The following NBEAL1 variants were observed in gnomAD, a reference collection of about 807,000 sequenced individuals.
The protein encoded by NBEAL1 is neurobeachin like 1, also known as neurobeachin-like protein 1.
NBEAL1 carries 273 observed loss-of-function variants against 351.3 expected under a neutral mutation model. The observed-to-expected ratio is 0.78, with a 90% CI of 0.70 to 0.86. NBEAL1 has a LOEUF of 0.86. Among genes scored for constraint, NBEAL1 ranks in the 40% least tolerant of loss-of-function variants. NBEAL1 has a pLI of 0.00. For synonymous variants in NBEAL1, 1,050 were observed against 1,086.4 expected (o/e 0.97, Z 0.66); for missense variants, 2,961 against 3,201.3 (o/e 0.92, Z 1.81).
rs2065970172 is a variant in NBEAL1, at chr2:203,223,357, GTAA to G, written c.*6007_*6009del. The stretch of plus-strand genomic sequence containing the variant: ...ATATTTTGCAAATATAACAATAATA[GTAA>G]TAACACAATTTTGTCATTTAAAAAA... On this transcript the variant is annotated 3_prime_UTR_variant, in exon 56 of 56. Coordinates refer to ENST00000683969, the MANE Select transcript of NBEAL1 (RefSeq NM_001378026.1). Among the ~76,000 whole-genome samples, 1 of 151,972 alleles carries G rather than the reference GTAA, an allele frequency of 6.6e-6. No homozygotes were observed. The highest frequency in any genetic ancestry group is 1.5e-5 in the Non-Finnish European group (1 of 67,950).
intron 47 of NBEAL1, among the ~76,000 whole-genome samples, chr2:203,195,779 T>G (rs1282377125): frequency 6.6e-6 from 1 of 152,124 alleles, no homozygotes; most frequent in Admixed American, 6.6e-5. Flanking sequence ...TCAGAGAAGC[T>G]CATTAGAGAC....
intron 8 of NBEAL1, among the ~76,000 whole-genome samples, chr2:203,082,012 G>A (rs538942572): frequency 2.6e-5 from 4 of 152,200 alleles, no homozygotes; most frequent in African/African-American, 9.7e-5. Context: ...GCCAAAGCCT[G>A]AATAGTTGAG....
chr2:203,166,464 T>C (rs1258934890), intron 37 of NBEAL1, among the ~76,000 whole-genome samples, 167 bp downstream of exon 37: 1 of 152,220 alleles, frequency 6.6e-6, no homozygotes, highest in Admixed American at 6.5e-5. Flanking sequence ...TGGAAGGGAA[T>C]GCTTTTTAAA....
chr2:203,066,968 C>G (rs1430862595), intron 6 of NBEAL1, among the ~76,000 whole-genome samples: 2 of 137,306 alleles, frequency 1.5e-5, no homozygotes, highest in Non-Finnish European at 3.1e-5. Context: ...ACTTACCAGG[C>G]GGGGCGGCCG....
chr2:203,126,614 C>T lies in NBEAL1; in HGVS notation c.3043C>T (p.Gln1015Ter). 2 of 1,523,370 alleles carry T rather than the reference C, an allele frequency of 1.3e-6. No homozygotes were observed. Among genetic ancestry groups the T allele is most frequent in the South Asian group, 1.3e-5 (1 of 78,102 alleles). 94.4% of individuals were successfully genotyped at this position (1,523,370 alleles called of 1,614,324 possible). ...VLMAVQLLIE[Q>*]VSLEKNMQLL... The stretch of plus-strand genomic sequence containing the variant: ...GATGGCAGTTCAGTTACTAATTGAA[C>T]AAGTATCATTAGAGAAAAATATGCA... The change falls in exon 22 of 56, where the codon CAA (glutamine) becomes TAA (stop). Residue 1015 changes from glutamine (Q) to a stop codon, truncating the protein, a stop_gained. Transcript: ENST00000683969. LOFTEE classifies it high-confidence loss of function.
chr2:203,074,801 A>G (rs2061742718), intron 7 of NBEAL1: 2 of 177,822 alleles, frequency 1.1e-5, no homozygotes, highest in Non-Finnish European at 1.2e-5. Context: ...CATCATTGTC[A>G]ATAGAGCTTC....
At chr2:203,039,194 C>CCTTTT (rs2061088928) in intron 2 of NBEAL1, among the ~76,000 whole-genome samples, 1 of 114,770 alleles carries the variant, frequency 8.7e-6, no homozygotes, top group African/African-American at 3.0e-5. Context: ...CCTTTTCTTT[C>CCTTTT]CTTTCCTTTC....
chr2:203,047,741 ATTTTT>A (rs199901981), intron 3 of NBEAL1, among the ~76,000 whole-genome samples: 13 of 129,410 alleles, frequency 1.0e-4, no homozygotes, highest in Non-Finnish European at 1.1e-4. Flanking sequence ...ATTTCTTTCT[ATTTTT>A]TTTTTTTTTT....
intron 12 of NBEAL1, among the ~76,000 whole-genome samples, chr2:203,101,333 T>C (rs2062314546): frequency 1.3e-5 from 2 of 152,290 alleles, no homozygotes; most frequent in Non-Finnish European, 1.5e-5. Flanking sequence ...ATTTCTGGGC[T>C]TTCTTTTCTG....
chr2:203,170,391 T>C (rs1304076525), intron 39 of NBEAL1, among the ~76,000 whole-genome samples: 1 of 151,832 alleles, frequency 6.6e-6, no homozygotes, highest in Non-Finnish European at 1.5e-5. Flanking sequence ...ATAATAATAA[T>C]AACATGGGTT....
chr2:203,166,184 T>G lies in NBEAL1; in HGVS notation c.5750T>G (p.Leu1917Trp), dbSNP rs1455105139. ...EKEEQDQKEKLVLMEDCELIT... is the reference protein window; with the variant it reads ...EKEEQDQKEKWVLMEDCELIT... Reference sequence around the variant, plus strand: ...GAAGAACAGGATCAAAAAGAAAAATTGGTATTGATGGAAGACTGTGAACTC... The same window carrying G: ...GAAGAACAGGATCAAAAAGAAAAATGGGTATTGATGGAAGACTGTGAACTC... Residue 1917 changes from leucine to tryptophan, a missense_variant, in exon 37 of 56, where the codon TTG becomes TGG. Coordinates refer to ENST00000683969, the MANE Select transcript of NBEAL1 (RefSeq NM_001378026.1). The G allele has an allele frequency of 8.2e-6, 13 of 1,587,478 alleles. No individual in the cohort carries two copies. The African/African-American group carries it at 1.6e-4, about 20-fold the overall frequency.
chr2:203,170,383 A>G (rs190077387), intron 39 of NBEAL1, among the ~76,000 whole-genome samples: 41 of 152,236 alleles, frequency 2.7e-4, no homozygotes, highest in African/African-American at 9.4e-4. Flanking sequence ...AAATAATAAT[A>G]ATAATAATAA....
chr2:203,081,414 C>T lies in NBEAL1; in HGVS notation c.685-1805C>T, dbSNP rs529488021. On this transcript the variant is annotated intron_variant, in intron 8 of 55. Coordinates refer to ENST00000683969, the MANE Select transcript of NBEAL1 (RefSeq NM_001378026.1). The stretch of plus-strand genomic sequence containing the variant: ...TGTTTTAGTTTATTAATTTATGATA[C>T]GGAAATAGTAACATTTATGGGATAT... Among the ~76,000 whole-genome samples the T allele has an allele frequency of 7.2e-4, 110 of 152,094 alleles. 1 individual carries two copies. The highest frequency in any genetic ancestry group is 2.3e-3 in the African/African-American group (94 of 41,492).
chr2:203,082,461 C>A (rs926928981), intron 8 of NBEAL1, among the ~76,000 whole-genome samples: 1 of 152,096 alleles, frequency 6.6e-6, no homozygotes, highest in African/African-American at 2.4e-5. Flanking sequence ...TTTTGCATGA[C>A]TATGTTCTGT....
chr2:203,084,467 C>A lies in NBEAL1; in HGVS notation c.996C>A (p.Thr332=). Residue 332 remains threonine (T), a synonymous_variant, in exon 10 of 56, where the codon ACC becomes ACA. Transcript: ENST00000683969. ...FIALQIKMLN[T]ITAMLDCTDR... ...ATTTTCTTTTTATTTTCCTAGATACCATCACAGCCATGTTAGATTGTACAG... is the reference window on the plus strand; with the variant it reads ...ATTTTCTTTTTATTTTCCTAGATACAATCACAGCCATGTTAGATTGTACAG... 6.9e-7 allele frequency: 1 copy of A among 1,447,192 alleles called. No homozygotes were observed. Among genetic ancestry groups the A allele is most frequent in the Non-Finnish European group, 9.1e-7 (1 of 1,093,916 alleles). 89.6% of individuals were successfully genotyped at this position (1,447,192 alleles called of 1,614,324 possible).
chr2:203,208,957 T>C (rs1487630653), intron 52 of NBEAL1, among the ~76,000 whole-genome samples: 2 of 152,200 alleles, frequency 1.3e-5, no homozygotes, highest in Non-Finnish European at 1.5e-5. Flanking sequence ...GTTTTATTAT[T>C]TAAGGGAAGA....
chr2:203,108,771 A>T (rs2106235272), intron 14 of NBEAL1, among the ~76,000 whole-genome samples: 1 of 152,316 alleles, frequency 6.6e-6, no homozygotes, highest in East Asian at 1.9e-4. Context: ...AAAATGGGCC[A>T]GGTGTGGTGG....
intron 55 of NBEAL1, among the ~76,000 whole-genome samples, chr2:203,216,178 T>C (rs1237924860): frequency 1.3e-5 from 2 of 152,198 alleles, no homozygotes; most frequent in Non-Finnish European, 2.9e-5. Context: ...ATATTTATTA[T>C]ACACTGGGAA....
At chr2:203,050,365 A>G (rs1338326310) in intron 4 of NBEAL1, among the ~76,000 whole-genome samples, 5 of 152,184 alleles carry the variant, frequency 3.3e-5, no homozygotes, top group Non-Finnish European at 5.9e-5. Flanking sequence ...GAGTAAGTGC[A>G]CTTTTTGGAA....
Sources: gnomAD v4.1 joint callset for allele counts (sites outside exome capture counted in the v4.1 genomes callset) on GRCh38, gnomAD v4.1.1 for gene constraint, MANE v1.5 for transcripts, NCBI Gene and HGNC (gene_info 2026-07-23, HGNC 2026-07-21) for gene names.